The following DLC1 variants were observed in gnomAD, a reference collection of about 807,000 sequenced individuals.
The protein encoded by DLC1 is DLC1 Rho GTPase activating protein.
DLC1 carries 54 observed loss-of-function variants against 140.3 expected under a neutral mutation model. The observed-to-expected ratio is 0.38, with a 90% confidence interval of 0.31 to 0.48. DLC1 has a LOEUF of 0.48. DLC1 is among the 20% of genes least tolerant of loss of function. DLC1 has a pLI of 0.96. For missense variants in DLC1, 2,536 were observed against 1,907.0 expected (o/e 1.33, Z -6.14); for synonymous variants, 986 against 728.1 (o/e 1.35, Z -5.70).
intron 2 of DLC1, among the ~76,000 whole-genome samples, chr8:13,405,706 A>G (rs746819143): frequency 6.6e-6 from 1 of 152,070 alleles, no homozygotes; most frequent in Non-Finnish European, 1.5e-5. Flanking sequence ...CTTCCTGTCA[A>G]TATACAGAAA....
At chr8:13,507,142 T>G (rs1410094139) in intron 1 of DLC1, among the ~76,000 whole-genome samples, 2 of 152,168 alleles carry the variant, frequency 1.3e-5, no homozygotes. Context: ...ATGAAACCCA[T>G]TTTCTTAATG....
intron 5 of DLC1, among the ~76,000 whole-genome samples, chr8:13,171,247 A>G (rs1347000588): frequency 6.6e-6 from 1 of 152,192 alleles, no homozygotes; most frequent in African/African-American, 2.4e-5. Flanking sequence ...AATTTTCAGG[A>G]ATGTTATGAT....
chr8:13,193,242 A>T (rs1826861081), intron 5 of DLC1, among the ~76,000 whole-genome samples: 1 of 152,164 alleles, frequency 6.6e-6, no homozygotes, highest in South Asian at 2.1e-4. Flanking sequence ...TTGACTTTTC[A>T]AAAGACCATA....
chr8:13,303,550 C>G (rs910079564), intron 5 of DLC1, among the ~76,000 whole-genome samples: 4 of 152,046 alleles, frequency 2.6e-5, no homozygotes, highest in African/African-American at 7.2e-5. Flanking sequence ...ACCTGTAATC[C>G]CAGCACTTTG....
At chr8:13,481,440 A>G (rs1391239373) in intron 2 of DLC1, among the ~76,000 whole-genome samples, 3 of 152,232 alleles carry the variant, frequency 2.0e-5, no homozygotes, top group Non-Finnish European at 4.4e-5. Context: ...AAGTAAATAA[A>G]TAAATAAAAC....
At chr8:13,571,205 T>C (rs1018893726) in intron 1 of DLC1, among the ~76,000 whole-genome samples, 5 of 152,176 alleles carry the variant, frequency 3.3e-5, no homozygotes, top group African/African-American at 9.6e-5. Flanking sequence ...CCTTTTGTTT[T>C]TCTTGGGGTA....
intron 5 of DLC1, among the ~76,000 whole-genome samples, chr8:13,190,845 G>A (rs931142108): frequency 1.3e-5 from 2 of 152,102 alleles, no homozygotes; most frequent in East Asian, 1.9e-4. Context: ...CGCCAAGTGT[G>A]GGGGGAAGTT....
At chr8:13,410,949 T>C (rs557110478) in intron 2 of DLC1, among the ~76,000 whole-genome samples, 1 of 152,192 alleles carries the variant, frequency 6.6e-6, no homozygotes, top group Admixed American at 6.5e-5. Context: ...GGAGCCTAAA[T>C]GAAACCCTCA....
intron 5 of DLC1, among the ~76,000 whole-genome samples, chr8:13,131,420 C>T (rs1822066902): frequency 6.6e-6 from 1 of 152,180 alleles, no homozygotes; most frequent in Non-Finnish European, 1.5e-5. Context: ...AATACATCAT[C>T]AATGCCACCA....
At chr8:13,131,456 C>T (rs745738672) in intron 5 of DLC1, among the ~76,000 whole-genome samples, 6 of 152,194 alleles carry the variant, frequency 3.9e-5, no homozygotes, top group Non-Finnish European at 7.3e-5. Context: ...CTCTATGTCA[C>T]CAGTAATCGC....
intron 4 of DLC1, among the ~76,000 whole-genome samples, chr8:13,309,486 TA>T (rs1832584103): frequency 6.6e-6 from 1 of 152,328 alleles, no homozygotes; most frequent in African/African-American, 2.4e-5. Context: ...ATCGAATTTT[TA>T]AAAAGCTATT....
At chr8:13,390,067 G>A (rs1836682224) in intron 4 of DLC1, among the ~76,000 whole-genome samples, 1 of 152,140 alleles carries the variant, frequency 6.6e-6, no homozygotes. Context: ...AATTGTGGGA[G>A]AAAGTATCTG....
chr8:13,536,066 G>A (rs1266496285), intron 1 of DLC1: 1 of 152,244 alleles, frequency 6.6e-6, no homozygotes, highest in Non-Finnish European at 1.5e-5. Flanking sequence ...CCAGATCTTG[G>A]AAGCTAAGCA....
chr8:13,185,411 C>T (rs1374766559), intron 5 of DLC1, among the ~76,000 whole-genome samples: 1 of 151,714 alleles, frequency 6.6e-6, no homozygotes, highest in African/African-American at 2.4e-5. Context: ...GGGTTCATGC[C>T]ATTCTCCTGC....
intron 1 of DLC1, among the ~76,000 whole-genome samples, chr8:13,522,037 T>G (rs1802782444): frequency 6.6e-6 from 1 of 152,150 alleles, no homozygotes; most frequent in African/African-American, 2.4e-5. Flanking sequence ...ACATTTGTAC[T>G]TTAACAGAAA....
chr8:13,244,789 C>G (rs10503439), intron 5 of DLC1, among the ~76,000 whole-genome samples: 27,932 of 152,010 alleles, frequency 0.18, 2,797 homozygotes, highest in African/African-American at 0.26. Context: ...ATTATAGTTT[C>G]GACATATTTG....
chr8:13,437,944 A>AC (rs1385777552), intron 2 of DLC1, among the ~76,000 whole-genome samples: 1 of 152,134 alleles, frequency 6.6e-6, no homozygotes, highest in Non-Finnish European at 1.5e-5. Flanking sequence ...AGGAAACTAA[A>AC]AAAAAAAATT....
chr8:13,493,432 A>G (rs957830075), intron 2 of DLC1, among the ~76,000 whole-genome samples: 1 of 152,066 alleles, frequency 6.6e-6, no homozygotes, highest in Non-Finnish European at 1.5e-5. Context: ...CAGTTGATAC[A>G]TAAACATTGT....
chr8:13,114,799 T>C (rs1455979842), intron 6 of DLC1, among the ~76,000 whole-genome samples: 1 of 152,208 alleles, frequency 6.6e-6, no homozygotes, highest in Non-Finnish European at 1.5e-5. Context: ...TCAAAATCTC[T>C]ATATCATTTT....
Sources: allele counts gnomAD v4.1 joint callset (sites outside exome capture counted in the v4.1 genomes callset), GRCh38; gene constraint gnomAD v4.1.1; transcripts MANE v1.5; gene names NCBI Gene and HGNC (gene_info 2026-07-23, HGNC 2026-07-21).